The following ULK4 variants were observed in gnomAD, a reference collection of about 807,000 sequenced individuals.
The protein encoded by ULK4 is unc-51 like kinase 4.
In ULK4, 133 loss-of-function variants were observed where a neutral mutation model predicts 160.6. The observed-to-expected ratio is 0.83, with a 90% CI of 0.72 to 0.96. The LOEUF is 0.96. Ranked by LOEUF, ULK4 falls within the 40% of genes least tolerant of loss-of-function variation. ULK4 has a pLI of 0.00. For synonymous variants in ULK4, 534 were observed against 539.8 expected, an observed-to-expected ratio of 0.99 and a Z score of 0.15; for missense variants, 1,580 against 1,499.5, an observed-to-expected ratio of 1.05 and a Z score of -0.89.
chr3:41,848,399 C>T (rs2042123255), intron 17 of ULK4, among the ~76,000 whole-genome samples: 1 of 152,098 alleles, frequency 6.6e-6, no homozygotes, highest in Non-Finnish European at 1.5e-5. Context: ...TTTTGGTCAC[C>T]AGTCATCCAG....
At chr3:41,906,212 G>A (rs1350286440) in intron 12 of ULK4, among the ~76,000 whole-genome samples, 6 of 7,516 alleles carry the variant, frequency 8.0e-4, no homozygotes, top group East Asian at 0.056. Flanking sequence ...GCGAGACTCC[G>A]TCTCAAAAAA....
intron 17 of ULK4, among the ~76,000 whole-genome samples, chr3:41,840,998 G>C (rs184746004): frequency 2.3e-3 from 348 of 150,162 alleles, no homozygotes; most frequent in African/African-American, 7.6e-3. Flanking sequence ...CCCCGTCTGG[G>C]ATGTGAGGAG....
At chr3:41,860,694 G>A (rs2042480259) in intron 17 of ULK4, among the ~76,000 whole-genome samples, 1 of 152,122 alleles carries the variant, frequency 6.6e-6, no homozygotes, top group African/African-American at 2.4e-5. Flanking sequence ...CTTTTGACGG[G>A]AGAGTTTAGT....
intron 32 of ULK4, among the ~76,000 whole-genome samples, chr3:41,533,033 C>A (rs2086375941): frequency 6.6e-6 from 1 of 152,192 alleles, no homozygotes; most frequent in African/African-American, 2.4e-5. Context: ...AGGCCGTCTT[C>A]AAATACTGCC....
At chr3:41,942,965 G>A (rs1436472070) in intron 2 of ULK4, among the ~76,000 whole-genome samples, 1 of 152,094 alleles carries the variant, frequency 6.6e-6, no homozygotes, top group Non-Finnish European at 1.5e-5. Flanking sequence ...TGTAATCCCA[G>A]CACTTTGGGA....
intron 14 of ULK4, among the ~76,000 whole-genome samples, chr3:41,897,758 T>C (rs1304988223): frequency 6.6e-6 from 1 of 152,220 alleles, no homozygotes; most frequent in Non-Finnish European, 1.5e-5. Flanking sequence ...AGTTGACCAA[T>C]ATAAACCCTT....
chr3:41,536,767 G>A (rs562515769), intron 32 of ULK4, among the ~76,000 whole-genome samples: 32 of 152,284 alleles, frequency 2.1e-4, no homozygotes, highest in African/African-American at 7.2e-4. Context: ...CTGTCTCAGG[G>A]TGGCAGAGGC....
chr3:41,791,185 G>A (rs1393633720), intron 20 of ULK4, among the ~76,000 whole-genome samples: 7 of 152,200 alleles, frequency 4.6e-5, no homozygotes, highest in South Asian at 4.2e-4. Flanking sequence ...CAGTAGAGAC[G>A]GGGTTTCACC....
In ULK4 at chr3:41,954,700, T is replaced by C; in HGVS notation, c.60A>G (p.Lys20=). 2 of 1,613,998 alleles carry C rather than the reference T, an allele frequency of 1.2e-6. No homozygotes were observed. The highest frequency in any genetic ancestry group is 1.7e-6 in the Non-Finnish European group (2 of 1,179,924). ...AATTGATTGTTCCCTTCCGTCGCCC[T>C]TTATAGACAACAGTCTTGCTTCCTC... ...IGRGSKTVVY[K]GRRKGTINFV... The change falls in exon 2 of 37, where the codon AAA becomes AAG. Residue 20 remains lysine (K), a synonymous_variant. Transcript: ENST00000301831.
In ULK4 at chr3:41,631,310, G is replaced by A. The variant is rs138302743; in HGVS notation, c.3072-15593C>T. Among the ~76,000 whole-genome samples the A allele has an allele frequency of 1.6e-3, 241 of 152,220 alleles. 2 individuals carry two copies. Among genetic ancestry groups the A allele is most frequent in the African/African-American group, 5.6e-3 (234 of 41,526 alleles). ...TGGTCATTTTACAAAGATCTACAGCGTCCTCCTTATGGACAGGCATTACAC... is the reference window on the plus strand; with the variant it reads ...TGGTCATTTTACAAAGATCTACAGCATCCTCCTTATGGACAGGCATTACAC... On this transcript the variant is annotated intron_variant, in intron 30 of 36. Coordinates refer to ENST00000301831, the MANE Select transcript of ULK4 (RefSeq NM_017886.4).
In ULK4 at chr3:41,286,353, C is replaced by T. The variant is rs531329549; in HGVS notation, c.3679-36779G>A. Among the ~76,000 whole-genome samples, 138 of 152,080 alleles carry T rather than the reference C, an allele frequency of 9.1e-4. 1 individual carries two copies. Among genetic ancestry groups the T allele is most frequent in the African/African-American group, 3.3e-3 (135 of 41,460 alleles). On this transcript the variant is annotated intron_variant, in intron 35 of 36. Transcript: ENST00000301831. ...TTGGCCAGAGAGTAAAGTTCCAGAGCCAGGATTTGGCATTAAGTTAACCTG... is the reference window on the plus strand; with the variant it reads ...TTGGCCAGAGAGTAAAGTTCCAGAGTCAGGATTTGGCATTAAGTTAACCTG...
At chr3:41,546,909 G>C (rs66888985) in intron 32 of ULK4, among the ~76,000 whole-genome samples, 19,201 of 152,026 alleles carry the variant, frequency 0.13, 1,588 homozygotes, top group Admixed American at 0.19. Flanking sequence ...ATTTTGACAA[G>C]AGGTCAGCTA....
chr3:41,335,012 A>G (rs773600665), intron 35 of ULK4, among the ~76,000 whole-genome samples: 5 of 152,192 alleles, frequency 3.3e-5, no homozygotes, highest in Non-Finnish European at 7.3e-5. Flanking sequence ...GTTGAGGATG[A>G]AAGAGAGAAA....
In ULK4 at chr3:41,935,806, T is replaced by C. The variant is rs753450429; in HGVS notation, c.373A>G (p.Arg125Gly). The C allele has an allele frequency of 2.5e-6, 4 of 1,609,088 alleles. No individual in the cohort carries two copies. Residue 125 changes from arginine (R) to glycine (G), a missense_variant, in exon 4 of 37, where the codon AGG becomes GGG. Transcript: ENST00000301831. ...CAAAAACTTTCATGAATTACCTTCCTAGGAGAAATGTCACAAAAGAGAATG... is the reference window on the plus strand; with the variant it reads ...CAAAAACTTTCATGAATTACCTTCCCAGGAGAAATGTCACAAAAGAGAATG... ...LGILFCDISP[R>G]KILLEGPGTL...
At chr3:41,494,656 G>A (rs565583436) in intron 32 of ULK4, among the ~76,000 whole-genome samples, 9 of 152,292 alleles carry the variant, frequency 5.9e-5, no homozygotes, top group South Asian at 2.1e-4. Flanking sequence ...GTTTGCAGAC[G>A]ACATGATTGT....
At chr3:41,258,008 A>G (rs2078867845) in intron 35 of ULK4, among the ~76,000 whole-genome samples, 1 of 152,200 alleles carries the variant, frequency 6.6e-6, no homozygotes, top group South Asian at 2.1e-4. Context: ...AATGCCCGTG[A>G]TAAGAGGATT....
Position 41,691,242 on chromosome 3 carries a change from T to C in ULK4, c.2782-9438A>G, listed in dbSNP as rs536404477. Among the ~76,000 whole-genome samples the C allele has an allele frequency of 1.3e-3, 203 of 151,970 alleles. 4 individuals carry two copies. The highest frequency in any genetic ancestry group is 2.2e-3 in the Non-Finnish European group (151 of 67,902). On this transcript the variant is annotated intron_variant, in intron 27 of 36. Coordinates refer to ENST00000301831, the MANE Select transcript of ULK4 (RefSeq NM_017886.4). ...TGCACATGCAGCCCCTGCCAAGTTCTGGAGGCCCCTGCACATACGAACAAC... is the reference window on the plus strand; with the variant it reads ...TGCACATGCAGCCCCTGCCAAGTTCCGGAGGCCCCTGCACATACGAACAAC...
intron 17 of ULK4, among the ~76,000 whole-genome samples, chr3:41,847,802 C>G (rs1171741762): frequency 2.6e-5 from 4 of 152,102 alleles, no homozygotes; most frequent in African/African-American, 9.7e-5. Context: ...TTTGATTAAG[C>G]CTTCGCAAGT....
intron 32 of ULK4, among the ~76,000 whole-genome samples, chr3:41,476,017 GA>G (rs2084130989): frequency 7.0e-6 from 1 of 143,320 alleles, no homozygotes; most frequent in Non-Finnish European, 1.5e-5. Context: ...AAAAGGGAGG[GA>G]GGCATGGGAG....
Sources: allele counts gnomAD v4.1 joint callset (sites outside exome capture counted in the v4.1 genomes callset), GRCh38; gene constraint gnomAD v4.1.1; transcripts MANE v1.5; gene names NCBI Gene and HGNC (gene_info 2026-07-23, HGNC 2026-07-21).